The following DDB1 variants were observed in gnomAD, a reference collection of about 807,000 sequenced individuals.
DDB1 encodes DNA damage-binding protein 1.
Under a neutral mutation model 133.1 loss-of-function variants are expected in DDB1, and 18 were observed. The ratio of observed to expected loss-of-function variants is 0.14; its 90% CI spans 0.09 to 0.20. The LOEUF (loss-of-function observed/expected upper bound fraction) is 0.20, where lower values mean the gene tolerates loss of function less well. DDB1 is among the 10% of genes least tolerant of loss of function. The probability of loss-of-function intolerance (pLI) is 1.00; values close to 1 mark genes in which losing one functional copy is unlikely to be tolerated. For missense variants in DDB1, 828 were observed against 1,459.2 expected (o/e 0.57, Z 7.05); for synonymous variants, 580 against 550.5 (o/e 1.05, Z -0.75).
At chr11:61,331,514 C>G in intron 2 of DDB1, 29 bp downstream of exon 2, 1 of 1,606,642 alleles carries the variant, frequency 6.2e-7, no homozygotes, top group Non-Finnish European at 8.5e-7. Context: ...AGTTCCCCCT[C>G]CACTGCTTGT....
intron 10 of DDB1, among the ~76,000 whole-genome samples, chr11:61,318,121 T>C (rs1193213749): frequency 1.3e-5 from 2 of 152,260 alleles, no homozygotes; most frequent in African/African-American, 2.4e-5. Context: ...ATTTGGCACC[T>C]TGTTCTTTCA....
At chr11:61,309,727 C>G in intron 20 of DDB1, 69 bp downstream of exon 20, 1 of 1,545,560 alleles carries the variant, frequency 6.5e-7, no homozygotes, top group African/African-American at 1.4e-5. Flanking sequence ...CTCTCTGAAA[C>G]CTCACAATGG....
chr11:61,327,623 T>C (rs1413040687), intron 4 of DDB1: 1 of 152,244 alleles, frequency 6.6e-6, no homozygotes, highest in African/African-American at 2.4e-5. Flanking sequence ...ACACAATTGA[T>C]TGCTCCGCTA....
chr11:61,329,366 G>A lies in DDB1; in HGVS notation c.546C>T (p.Tyr182=). The A allele has an allele frequency of 1.2e-6, 2 of 1,614,074 alleles. No homozygotes were observed. The highest frequency in any genetic ancestry group is 1.1e-5 in the South Asian group (1 of 91,036). The part of the protein sequence containing the change: ...GCQAPTICFV[Y]QDPQGRHVKT... Reference sequence around the variant, plus strand: ...CTCTCTCTTCCTGATCCAGTACCTGGTAGACAAAGCAAATAGTAGGTGCTT... The same window carrying A: ...CTCTCTCTTCCTGATCCAGTACCTGATAGACAAAGCAAATAGTAGGTGCTT... The change falls in exon 4 of 27, where the codon TAC becomes TAT. Residue 182 remains tyrosine, a synonymous_variant. Transcript: ENST00000301764.
At chr11:61,330,936 G>T (rs183093723) in intron 2 of DDB1, among the ~76,000 whole-genome samples, 1 of 152,280 alleles carries the variant, frequency 6.6e-6, no homozygotes, top group East Asian at 1.9e-4. Flanking sequence ...GGTTACAGGC[G>T]TGAGCCACCA....
At chr11:61,319,954 T>C (rs187998477) in intron 10 of DDB1, among the ~76,000 whole-genome samples, 20 of 152,362 alleles carry the variant, frequency 1.3e-4, no homozygotes, top group Non-Finnish European at 2.2e-4. Context: ...TGTATAGGTT[T>C]TGCACAATTT....
intron 10 of DDB1, 53 bp downstream of exon 10, chr11:61,321,542 A>C: frequency 1.3e-6 from 2 of 1,563,228 alleles, no homozygotes; most frequent in South Asian, 1.1e-5. Context: ...ACATGTAACA[A>C]GGCCAAAGTC....
At position 61,331,618 on chromosome 11, in the gene DDB1, G is replaced by A. The variant is rs201941583; in HGVS notation, c.135C>T (p.Thr45=). The A allele has an allele frequency of 8.2e-5, 133 of 1,613,998 alleles. No individual in the cohort carries two copies. Among genetic ancestry groups the A allele is most frequent in the East Asian group, 2.7e-4 (12 of 44,896 alleles). ...KNTRLEIYVV[T]AEGLRPVKEV... ...CTTTGACGGGCCGAAGCCCCTCGGC[G>A]GTGACCACATAGATCTCTAATCTCG... The change falls in exon 2 of 27, where the codon ACC becomes ACT. Residue 45 remains threonine (T), a synonymous_variant. Coordinates refer to ENST00000301764, the MANE Select transcript of DDB1 (RefSeq NM_001923.5).
At chr11:61,323,908 T>C in intron 7 of DDB1, 71 bp downstream of exon 7, 1 of 1,553,066 alleles carries the variant, frequency 6.4e-7, no homozygotes, top group East Asian at 2.3e-5. Flanking sequence ...AGTTGAGGTG[T>C]GGGACCACAC....
At chr11:61,316,162 C>G in intron 12 of DDB1, 123 bp downstream of exon 12, 1 of 822,064 alleles carries the variant, frequency 1.2e-6, no homozygotes, top group Non-Finnish European at 2.0e-6. Context: ...AATTTTTTCC[C>G]TAGAATTTTT....
chr11:61,320,124 G>A (rs1565035599), intron 10 of DDB1, among the ~76,000 whole-genome samples: 2 of 151,940 alleles, frequency 1.3e-5, no homozygotes, highest in East Asian at 3.9e-4. Context: ...ATTGTCTATA[G>A]TAGTTTTTTA....
Position 61,331,706 on chromosome 11 carries a change from C to A in DDB1, c.62-15G>T, listed in dbSNP as rs1293905814. 6.2e-7 allele frequency: 1 copy of A among 1,613,508 alleles called. No homozygotes were observed. Among genetic ancestry groups the A allele is most frequent in the African/African-American group, 1.3e-5 (1 of 74,972 alleles). On this transcript the variant is annotated splice_polypyrimidine_tract_variant and intron_variant, in intron 1 of 26. Coordinates refer to ENST00000301764, the MANE Select transcript of DDB1 (RefSeq NM_001923.5). ...AGTAAAGTGTCCTGAAAGAACAGAC[C>A]CTCTAACTTTTGAACTCAGGGGAAG...
intron 24 of DDB1, 70 bp downstream of exon 24, chr11:61,302,512 C>T: frequency 3.1e-6 from 5 of 1,602,154 alleles, no homozygotes; most frequent in Non-Finnish European, 3.4e-6. Context: ...GTTGCTCTCC[C>T]CAGTCCCTCA....
chr11:61,300,690 A>G, intron 26 of DDB1, 119 bp downstream of exon 26: 1 of 1,475,838 alleles, frequency 6.8e-7, no homozygotes, highest in South Asian at 1.3e-5. Flanking sequence ...GGTAAGGATT[A>G]CACAGAGGTC....
intron 18 of DDB1, chr11:61,311,497 C>CCCATGT: frequency 3.0e-6 from 1 of 336,476 alleles, no homozygotes. Context: ...GACTCCAAAC[C>CCCATGT]CCATGTTCCT....
chr11:61,312,053 T>G lies in DDB1; in HGVS notation c.2101A>C (p.Ile701Leu), dbSNP rs779899432. 7 of 1,614,132 alleles carry G rather than the reference T, an allele frequency of 4.3e-6. No homozygotes were observed. The South Asian group carries it at 5.5e-5, about 13-fold the overall frequency. ...LALANNSTLT[I>L]GTIDEIQKLH... is the part of the protein sequence containing the mutation. ...TTCTGGATCTCATCGATGGTGCCAA[T>G]GGTGAGGGTGCTATTGTTGGCCAGC... The change falls in exon 17 of 27, where the codon ATT becomes CTT. Residue 701 changes from isoleucine (I) to leucine (L), a missense_variant. This residue lies in a region of DDB1 where 396 missense variants were observed against 554.1 expected (regional missense o/e 0.71). Transcript: ENST00000301764.
rs761492190 is a variant in DDB1, at chr11:61,311,380, A to AAACAT, written c.2277+399_2277+403dup. On this transcript the variant is annotated intron_variant, in intron 18 of 26. Coordinates refer to ENST00000301764, the MANE Select transcript of DDB1 (RefSeq NM_001923.5). Reference sequence around the variant, plus strand: ...ATAACATAACATAAAACATAACATAAAACATAACATAACATAACATAACAT... The same window carrying AAACAT: ...ATAACATAACATAAAACATAACATAAAACATAACATAACATAACATAACATAACAT... 6.6e-3 allele frequency: 1,191 copies of AAACAT among 180,528 alleles called. 29 individuals are homozygous for AAACAT. The East Asian group carries it at 0.079, about 12-fold the overall frequency. The allele number at this position is 180,528 out of a possible 1,614,324, so 11.2% of individuals were successfully genotyped here.
At chr11:61,310,102 C>T in intron 19 of DDB1, 142 bp from the exon 20 acceptor site, 2 of 1,384,576 alleles carry the variant, frequency 1.4e-6, no homozygotes, top group Non-Finnish European at 2.0e-6. Flanking sequence ...ATTATCCATC[C>T]CCCACCAGCC....
intron 18 of DDB1, chr11:61,311,325 T>C (rs201511627): frequency 7.1e-6 from 1 of 141,478 alleles, no homozygotes; most frequent in Admixed American, 7.2e-5. Flanking sequence ...ACATAACACA[T>C]AACATAACAT....
Sources: gnomAD v4.1 joint callset for allele counts (sites outside exome capture counted in the v4.1 genomes callset) on GRCh38, gnomAD v4.1.1 for gene constraint, gnomAD v4.1.1 regional missense constraint, MANE v1.5 for transcripts, NCBI Gene and HGNC (gene_info 2026-07-23, HGNC 2026-07-21) for gene names.